BAD: variants seen among roughly 807,000 people sequenced by gnomAD.
The protein encoded by BAD is bcl2-associated agonist of cell death.
A neutral mutation model predicts 17.8 loss-of-function variants in BAD; 18 were observed. The observed-to-expected ratio is 1.01, with a 90% CI of 0.70 to 1.50. BAD has a LOEUF of 1.50. Among genes scored for constraint, BAD ranks in the 40% most tolerant of loss-of-function variants. The pLI, the probability that BAD is intolerant of heterozygous loss-of-function variation, is 0.00. For synonymous variants in BAD, 112 were observed against 91.5 expected (o/e 1.22, Z -1.28); for missense variants, 294 against 239.3 (o/e 1.23, Z -1.51).
intron 2 of BAD, among the ~76,000 whole-genome samples, chr11:64,274,372 G>T (rs1165587990): frequency 6.8e-6 from 1 of 147,366 alleles, no homozygotes; most frequent in Non-Finnish European, 1.5e-5. Flanking sequence ...GGGTGACAGA[G>T]TGAAACTCTA....
chr11:64,279,493 G>A (rs999313898), intron 2 of BAD, among the ~76,000 whole-genome samples: 5 of 152,218 alleles, frequency 3.3e-5, no homozygotes, highest in Admixed American at 2.0e-4. Flanking sequence ...GCGGCCAGAC[G>A]CGGTGGCTCA....
chr11:64,274,927 G>A (rs2032939732), intron 2 of BAD, among the ~76,000 whole-genome samples: 1 of 141,156 alleles, frequency 7.1e-6, no homozygotes, highest in Non-Finnish European at 1.5e-5. Context: ...GGAGGTTGCA[G>A]TGAGCTGAGA....
chr11:64,278,684 C>T (rs1486626271), intron 2 of BAD, among the ~76,000 whole-genome samples: 1 of 152,212 alleles, frequency 6.6e-6, no homozygotes, highest in African/African-American at 2.4e-5. Flanking sequence ...CTGCTTCTTT[C>T]TGCCTCTCCA....
rs552342843 is a variant in BAD, at chr11:64,279,476, A to G, written c.187+4706T>C. ...AAATCCCACCAGATGCTTAAAAGCC[A>G]CCTCTAGCGGCCAGACGCGGTGGCT... On this transcript the variant is annotated intron_variant, in intron 2 of 3. Transcript: ENST00000309032. Among the ~76,000 whole-genome samples the G allele has an allele frequency of 1.2e-4, 18 of 152,254 alleles. No homozygotes were observed. The South Asian group carries it at 3.7e-3, about 32-fold the overall frequency.
At position 64,269,856 on chromosome 11, in the gene BAD, C is replaced by T; in HGVS notation, c.*353G>A. 1.0e-5 allele frequency: 7 copies of T among 697,540 alleles called. No homozygotes were observed. Among genetic ancestry groups the T allele is most frequent in the South Asian group, 4.5e-5 (3 of 66,624 alleles). 43.2% of individuals were successfully genotyped at this position (697,540 alleles called of 1,614,324 possible). A position where few individuals can be genotyped will look rare whatever the true frequency, so the allele number is the denominator to read the frequency against. ...GCGGCACAGACGCGGGCTTTATTAA[C>T]ATTTGGTAGTGAGCACGGCCCCCAG... is the stretch of plus-strand genomic sequence containing the variant. On this transcript the variant is annotated 3_prime_UTR_variant, in exon 4 of 4. Transcript: ENST00000309032.
At chr11:64,272,627 G>C (rs2032724190) in intron 2 of BAD, 2 of 152,240 alleles carry the variant, frequency 1.3e-5, no homozygotes, top group South Asian at 4.1e-4. Context: ...TGTAGGCCGA[G>C]ACATTCCCTT....
chr11:64,282,881 G>GAAAAAAA (rs541902877), intron 2 of BAD, among the ~76,000 whole-genome samples: 10 of 88,022 alleles, frequency 1.1e-4, no homozygotes, highest in Non-Finnish European at 1.4e-4. Context: ...TCCGTCTCAG[G>GAAAAAAA]AAAAAAAAAA....
Position 64,271,675 on chromosome 11 carries a change from C to T in BAD, c.316G>A (p.Ala106Thr), listed in dbSNP as rs757313178. ...RSRSAPPNLW[A>T]AQRYGRELRR... is the part of the protein sequence containing the mutation. ...AGCTCGCGGCCATAGCGCTGTGCTG[C>T]CCAGAGGTTGGGGGGCGCCGAGCGC... Residue 106 changes from alanine to threonine, a missense_variant, in exon 3 of 4, where the codon GCA (alanine) becomes ACA (threonine). Physicochemically the swap from Ala to Thr is moderately conservative, Grantham distance 58 (BLOSUM62 0). Coordinates refer to ENST00000309032, the MANE Select transcript of BAD (RefSeq NM_032989.3). 10 of 1,501,702 alleles carry T rather than the reference C, an allele frequency of 6.7e-6. No homozygotes were observed. The South Asian group carries it at 1.1e-4, about 17-fold the overall frequency. The allele number at this position is 1,501,702 out of a possible 1,614,324, so 93.0% of individuals were successfully genotyped here.
intron 2 of BAD, 22 bp from the exon 3 acceptor site, chr11:64,271,825 G>C (rs780752598): frequency 6.0e-5 from 82 of 1,371,500 alleles, no homozygotes; most frequent in Non-Finnish European, 7.3e-5. Context: ...CAGTGGGTAG[G>C]GGGGCGACGT....
rs762411683 is a variant in BAD at position 64,270,143 on chromosome 11, G to A, written c.*66C>T. ...GCATAGGCCTGAGGGAAGTACTTCCGCCCATATTCAAGATGGCTGCCCAGG... is the reference window on the plus strand; with the variant it reads ...GCATAGGCCTGAGGGAAGTACTTCCACCCATATTCAAGATGGCTGCCCAGG... On this transcript the variant is annotated 3_prime_UTR_variant, in exon 4 of 4. Coordinates refer to ENST00000309032, the MANE Select transcript of BAD (RefSeq NM_032989.3). The A allele has an allele frequency of 6.2e-7, 1 of 1,610,932 alleles. No homozygotes were observed. Among genetic ancestry groups the A allele is most frequent in the Middle Eastern group, 1.7e-4 (1 of 6,060 alleles).
intron 3 of BAD, among the ~76,000 whole-genome samples, chr11:64,270,957 G>A (rs555087181): frequency 1.2e-5 from 1 of 83,814 alleles, no homozygotes; most frequent in Non-Finnish European, 2.5e-5. Context: ...CTAGACTACA[G>A]ATCCCAGCAT....
At chr11:64,278,599 T>C (rs1565349101) in intron 2 of BAD, among the ~76,000 whole-genome samples, 1 of 152,144 alleles carries the variant, frequency 6.6e-6, no homozygotes, top group Non-Finnish European at 1.5e-5. Flanking sequence ...TTAATTAACC[T>C]GCTCAAGCTC....
chr11:64,282,241 T>TG (rs2033528060), intron 2 of BAD, among the ~76,000 whole-genome samples: 2 of 151,868 alleles, frequency 1.3e-5, no homozygotes, highest in Admixed American at 6.6e-5. Flanking sequence ...TGAGTGTGTG[T>TG]GGGGGGCAGA....
At chr11:64,282,433 C>T (rs1414560947) in intron 2 of BAD, among the ~76,000 whole-genome samples, 2 of 152,044 alleles carry the variant, frequency 1.3e-5, no homozygotes, top group Non-Finnish European at 2.9e-5. Context: ...AAGACCCCAC[C>T]TCTACAAAAA....
At chr11:64,277,386 T>C (rs1018453744) in intron 2 of BAD, among the ~76,000 whole-genome samples, 4 of 152,338 alleles carry the variant, frequency 2.6e-5, no homozygotes, top group Non-Finnish European at 5.9e-5. Flanking sequence ...CCCCCAACCT[T>C]GCTCAGAGCT....
At chr11:64,276,979 G>T (rs1370360044) in intron 2 of BAD, 8 of 734,360 alleles carry the variant, frequency 1.1e-5, no homozygotes, top group African/African-American at 3.4e-5. Context: ...ATGCTTCCGC[G>T]AGCATCCCTG....
chr11:64,271,599 G>A lies in BAD; in HGVS notation c.378+14C>T. The A allele has an allele frequency of 7.0e-7, 1 of 1,422,722 alleles. No individual in the cohort carries two copies. Among genetic ancestry groups the A allele is most frequent in the Non-Finnish European group, 9.2e-7 (1 of 1,086,218 alleles). 88.1% of individuals were successfully genotyped at this position (1,422,722 alleles called of 1,614,324 possible). On this transcript the variant is annotated intron_variant, in intron 3 of 3. Transcript: ENST00000309032. ...GGTACTTCAGGTCCTGGCACGCTGG[G>A]GACTGGCGCTCACCTTAAAGGAGTC...
intron 2 of BAD, among the ~76,000 whole-genome samples, chr11:64,282,108 C>T (rs1189158198): frequency 6.6e-6 from 1 of 152,166 alleles, no homozygotes; most frequent in Non-Finnish European, 1.5e-5. Flanking sequence ...GCCCCACCAG[C>T]TCACTAGAAG....
chr11:64,284,563 A>C, intron 1 of BAD, 68 bp downstream of exon 1: 1 of 1,494,722 alleles, frequency 6.7e-7, no homozygotes, highest in Non-Finnish European at 8.9e-7. Flanking sequence ...TCAGGACCTC[A>C]GTCTCCCCTC....
Sources: allele counts gnomAD v4.1 joint callset (sites outside exome capture counted in the v4.1 genomes callset), GRCh38; gene constraint gnomAD v4.1.1; transcripts MANE v1.5; gene names NCBI Gene and HGNC (gene_info 2026-07-23, HGNC 2026-07-21).